The following INPP1 variants were observed in gnomAD, a reference collection of about 807,000 sequenced individuals.
INPP1 encodes inositol polyphosphate-1-phosphatase, also known as inositol polyphosphate 1-phosphatase.
In INPP1, 18 loss-of-function variants were observed where a neutral mutation model predicts 23.0. The observed-to-expected ratio is 0.78, with a 90% CI of 0.54 to 1.16. The LOEUF (loss-of-function observed/expected upper bound fraction) is 1.16. INPP1 is among the 50% of genes most tolerant of loss of function. The pLI is 0.00. For missense variants in INPP1, 448 were observed against 482.1 expected (o/e 0.93, Z 0.66); for synonymous variants, 164 against 176.3 (o/e 0.93, Z 0.55).
At chr2:190,361,708 T>C (rs1689537679) in intron 3 of INPP1, among the ~76,000 whole-genome samples, 1 of 152,212 alleles carries the variant, frequency 6.6e-6, no homozygotes, top group South Asian at 2.1e-4. Context: ...TGTCTTGTAA[T>C]CTCAGAACTG....
At chr2:190,344,509 A>G (rs1303109727) in intron 1 of INPP1, among the ~76,000 whole-genome samples, 1 of 152,206 alleles carries the variant, frequency 6.6e-6, no homozygotes, top group Admixed American at 6.5e-5. Context: ...TGATGGGACT[A>G]TATTTAGAAA....
chr2:190,353,727 A>T (rs1260933256), intron 2 of INPP1, among the ~76,000 whole-genome samples: 1 of 152,224 alleles, frequency 6.6e-6, no homozygotes, highest in African/African-American at 2.4e-5. Flanking sequence ...TAGCAGAGTT[A>T]TGTTTTGAAC....
rs371048986 is a variant in INPP1, at chr2:190,367,129, G to A, written c.466+234G>A. 1.3e-5 allele frequency among the ~76,000 whole-genome samples: 2 copies of A among 151,970 alleles called. No homozygotes were observed. The highest frequency in any genetic ancestry group is 2.9e-5 in the Non-Finnish European group (2 of 68,012). On this transcript the variant is annotated intron_variant, in intron 5 of 6. Transcript: ENST00000392329. The surrounding 1 kb of genome is among the most constrained non-coding windows in gnomAD (Gnocchi z 4.1). The stretch of plus-strand genomic sequence containing the variant: ...ATATACATATCTATAACAGGTGTGT[G>A]TATATACACACACATACATACAGGC...
Position 190,371,426 on chromosome 2 carries a change from T to G in INPP1, c.*24T>G, listed in dbSNP as rs572261182. On this transcript the variant is annotated 3_prime_UTR_variant, in exon 7 of 7. Transcript: ENST00000392329. This position sits in a 1 kb window ranked among gnomAD's most constrained non-coding sequence, Gnocchi z 5.3. ...AGAGGAACTCTAACCCCGGTGTACC[T>G]GTATAAACTGAACTGTGAAACTGTT... is the stretch of plus-strand genomic sequence containing the variant. 3.7e-5 allele frequency: 55 copies of G among 1,489,216 alleles called. No individual in the cohort carries two copies. The highest frequency in any genetic ancestry group is 2.8e-4 in the South Asian group (20 of 71,112). The allele number at this position is 1,489,216 out of a possible 1,614,324, so 92.3% of individuals were successfully genotyped here. A position where few individuals can be genotyped will look rare whatever the true frequency, so the allele number is the denominator to read the frequency against.
rs1265487961 is a variant in INPP1, at chr2:190,355,941, AAATT to A, written c.-64-4091_-64-4088del. Among the ~76,000 whole-genome samples, 4 of 151,632 alleles carry A rather than the reference AAATT, an allele frequency of 2.6e-5. No homozygotes were observed. Among genetic ancestry groups the A allele is most frequent in the African/African-American group, 4.9e-5 (2 of 41,036 alleles). On this transcript the variant is annotated intron_variant, in intron 2 of 6. Transcript: ENST00000392329. This position sits in a 1 kb window ranked among gnomAD's most constrained non-coding sequence, Gnocchi z 5.1. ...TAGAATAAAAGTTGAAAAAATAAAT[AAATT>A]AATTAAAAAATCATCTGAAAGATAA...
At chr2:190,362,037 A>G (rs543635398) in intron 3 of INPP1, among the ~76,000 whole-genome samples, 6 of 152,336 alleles carry the variant, frequency 3.9e-5, no homozygotes, top group Admixed American at 3.3e-4. Context: ...ACTTGACTCC[A>G]TTTATTCACT....
chr2:190,352,625 G>A lies in INPP1; in HGVS notation c.-65+3594G>A, dbSNP rs1689344473. Among the ~76,000 whole-genome samples the A allele has an allele frequency of 6.6e-6, 1 of 151,984 alleles. No homozygotes were observed. Among genetic ancestry groups the A allele is most frequent in the African/African-American group, 2.4e-5 (1 of 41,394 alleles). The stretch of plus-strand genomic sequence containing the variant: ...CCACTTCCATTCCCCTGTCCCTTCT[G>A]CACAAACAACCTCCAATCTTTAAAA... On this transcript the variant is annotated intron_variant, in intron 2 of 6. Transcript: ENST00000392329. This position sits in a 1 kb window ranked among gnomAD's most constrained non-coding sequence, Gnocchi z 4.7.
chr2:190,347,291 G>A (rs561084179), intron 1 of INPP1, among the ~76,000 whole-genome samples: 18 of 151,962 alleles, frequency 1.2e-4, no homozygotes, highest in African/African-American at 3.6e-4. Flanking sequence ...GATTACAGGC[G>A]TGAGCCACCA....
Position 190,369,389 on chromosome 2 carries a change from T to C in INPP1, c.641+112T>C, listed in dbSNP as rs1575793934. On this transcript the variant is annotated intron_variant, in intron 6 of 6. Coordinates refer to ENST00000392329, the MANE Select transcript of INPP1 (RefSeq NM_001128928.2). Reference sequence around the variant, plus strand: ...ATTCCCATGACTTAACACATGGGAGTGTTGCCATTGAAAGTCTGCGTATTT... The same window carrying C: ...ATTCCCATGACTTAACACATGGGAGCGTTGCCATTGAAAGTCTGCGTATTT... The C allele has an allele frequency of 1.5e-5, 8 of 528,992 alleles. No individual in the cohort carries two copies. In the East Asian group the frequency reaches 2.4e-4, roughly 16 times the overall value. The allele number at this position is 528,992 out of a possible 1,614,324, so 32.8% of individuals were successfully genotyped here.
Position 190,369,227 on chromosome 2 carries a change from G to C in INPP1, c.591G>C (p.Leu197=). 1 of 1,602,138 alleles carries C rather than the reference G, an allele frequency of 6.2e-7. No homozygotes were observed. The highest frequency in any genetic ancestry group is 1.1e-5 in the South Asian group (1 of 89,916). Residue 197 remains leucine (L), a synonymous_variant, in exon 6 of 7, where the codon CTG becomes CTC. Coordinates refer to ENST00000392329, the MANE Select transcript of INPP1 (RefSeq NM_001128928.2). ...ATGACATACAGACAGGGGTTCCCCT[G>C]ATGGGAGTCATCAATCAACCTTTTG... is the stretch of plus-strand genomic sequence containing the variant. ...GVYDIQTGVP[L]MGVINQPFVS... is the part of the protein sequence containing the mutation.
intron 4 of INPP1, among the ~76,000 whole-genome samples, chr2:190,365,908 G>A (rs961225025): frequency 7.9e-5 from 8 of 101,374 alleles, no homozygotes; most frequent in East Asian, 6.9e-4. Flanking sequence ...GCTCTGTCTC[G>A]CTCTCTTGCT....
rs11412132 is a variant in INPP1, at chr2:190,355,987, T to TA, written c.-64-4049dup. Among the ~76,000 whole-genome samples the TA allele has an allele frequency of 0.42, 64,442 of 152,090 alleles. 16,154 individuals are homozygous for TA. Among genetic ancestry groups the TA allele is most frequent in the African/African-American group, 0.7 (29,047 of 41,496 alleles). ...GAAAGATAATTTCCATGAGTTTTAA[T>TA]AAATGTATTGATAAAATGGAAGAAT... is the stretch of plus-strand genomic sequence containing the variant. On this transcript the variant is annotated intron_variant, in intron 2 of 6. Transcript: ENST00000392329. The surrounding 1 kb of genome is among the most constrained non-coding windows in gnomAD (Gnocchi z 5.1).
At chr2:190,353,426 T>C (rs932334352) in intron 2 of INPP1, among the ~76,000 whole-genome samples, 2 of 152,234 alleles carry the variant, frequency 1.3e-5, no homozygotes, top group South Asian at 2.1e-4. Context: ...TTGGATTTAA[T>C]GGAGTAGTAA....
At chr2:190,364,536 C>G (rs1689602738) in intron 4 of INPP1, among the ~76,000 whole-genome samples, 1 of 122,544 alleles carries the variant, frequency 8.2e-6, no homozygotes. Context: ...AGCAAGACTC[C>G]GTCTCAAAAA....
chr2:190,358,140 C>T (rs1009897634), intron 2 of INPP1, among the ~76,000 whole-genome samples: 3 of 139,108 alleles, frequency 2.2e-5, no homozygotes, highest in Non-Finnish European at 1.5e-5. Flanking sequence ...AGTGCAGTGG[C>T]GTAATCTCGG....
At position 190,355,367 on chromosome 2, in the gene INPP1, A is replaced by G. The variant is rs1464942843; in HGVS notation, c.-64-4672A>G. Reference sequence around the variant, plus strand: ...CAGATAGCAAAACCATTGTACCTACATTGTTTCACCAAGATACCTGCCAGC... The same window carrying G: ...CAGATAGCAAAACCATTGTACCTACGTTGTTTCACCAAGATACCTGCCAGC... On this transcript the variant is annotated intron_variant, in intron 2 of 6. Coordinates refer to ENST00000392329, the MANE Select transcript of INPP1 (RefSeq NM_001128928.2). This position sits in a 1 kb window ranked among gnomAD's most constrained non-coding sequence, Gnocchi z 5.1. Among the ~76,000 whole-genome samples the G allele has an allele frequency of 6.6e-6, 1 of 152,228 alleles. No homozygotes were observed. The highest frequency in any genetic ancestry group is 1.9e-4 in the East Asian group (1 of 5,202).
At position 190,352,364 on chromosome 2, in the gene INPP1, C is replaced by A. The variant is rs1013869110; in HGVS notation, c.-65+3333C>A. 6.6e-6 allele frequency among the ~76,000 whole-genome samples: 1 copy of A among 152,168 alleles called. No individual in the cohort carries two copies. The highest frequency in any genetic ancestry group is 2.4e-5 in the African/African-American group (1 of 41,426). ...AAGACCCAGGAAGTACAGGCAGTCC[C>A]AAACTGTAATATTTATTGGATCCTG... On this transcript the variant is annotated intron_variant, in intron 2 of 6. Coordinates refer to ENST00000392329, the MANE Select transcript of INPP1 (RefSeq NM_001128928.2). The surrounding 1 kb of genome is among the most constrained non-coding windows in gnomAD (Gnocchi z 4.7).
At chr2:190,366,243 CACTCTTTCCCTCT>C (rs1689662916) in intron 4 of INPP1, among the ~76,000 whole-genome samples, 1 of 150,510 alleles carries the variant, frequency 6.6e-6, no homozygotes, top group Admixed American at 6.6e-5. Context: ...CTCTCTGTCT[CACTCTTTCCCTCT>C]GTCTCTTTCA....
intron 3 of INPP1, among the ~76,000 whole-genome samples, chr2:190,361,063 T>A (rs554485985): frequency 2.6e-5 from 4 of 152,230 alleles, no homozygotes. Flanking sequence ...TCTAAAGTCG[T>A]CGTTAAATAT....
Sources: allele counts gnomAD v4.1 joint callset (sites outside exome capture counted in the v4.1 genomes callset), GRCh38; gene constraint gnomAD v4.1.1; non-coding constraint Gnocchi (gnomAD v3.1); transcripts MANE v1.5; gene names NCBI Gene and HGNC (gene_info 2026-07-23, HGNC 2026-07-21).